The following CCL28 variants were observed in gnomAD, a reference collection of about 807,000 sequenced individuals.
CCL28 encodes the protein C-C motif chemokine ligand 28.
CCL28 carries 4 observed loss-of-function variants against 7.1 expected under a neutral mutation model. The ratio of observed to expected loss-of-function variants is 0.56; its 90% CI spans 0.28 to 1.29. The LOEUF (loss-of-function observed/expected upper bound fraction) is 1.29. Ranked by LOEUF, CCL28 falls within the 50% of genes most tolerant of loss-of-function variation. The probability of loss-of-function intolerance (pLI) is 0.11; values close to 1 mark genes in which losing one functional copy is unlikely to be tolerated. For synonymous variants in CCL28, 55 were observed against 57.8 expected (o/e 0.95, Z 0.22); for missense variants, 151 against 163.4 (o/e 0.92, Z 0.41).
In CCL28 at chr5:43,380,245, A is replaced by G. The variant is rs1395404007; in HGVS notation, c.*1615T>C. ...ACAGAAGGCCGAACTCTGGGCCCCT[A>G]ACTAGTGCTGCTCCAAGAACTGACT... On this transcript the variant is annotated 3_prime_UTR_variant, in exon 3 of 3. Coordinates refer to ENST00000361115, the MANE Select transcript of CCL28 (RefSeq NM_148672.3). The G allele has an allele frequency of 6.6e-6, 1 of 152,152 alleles. No individual in the cohort carries two copies. The highest frequency in any genetic ancestry group is 1.5e-5 in the Non-Finnish European group (1 of 68,018). 9.4% of individuals were successfully genotyped at this position (152,152 alleles called of 1,614,324 possible). A position where few individuals can be genotyped will look rare whatever the true frequency, so the allele number is the denominator to read the frequency against.
Position 43,382,022 on chromosome 5 carries a change from G to A in CCL28, c.222C>T (p.Val74=). Residue 74 remains valine, a synonymous_variant, in exon 3 of 3, where the codon GTC becomes GTT. Transcript: ENST00000361115. ...GCTTAACAGTATGGTTGTGCGGGCT[G>A]ACACAGATTCTTCTGCGCTTGACAT... ...ILHVKRRRIC[V]SPHNHTVKQW... is the part of the protein sequence containing the mutation. 2 of 1,613,382 alleles carry A rather than the reference G, an allele frequency of 1.2e-6. No homozygotes were observed. Among genetic ancestry groups the A allele is most frequent in the Non-Finnish European group, 8.5e-7 (1 of 1,179,702 alleles).
At chr5:43,362,498 G>C in the CCL28 span, among the ~76,000 whole-genome samples, 1 of 151,970 alleles carries the variant, frequency 6.6e-6, no homozygotes, top group African/African-American at 2.4e-5. Flanking sequence ...TAGTTTTCAG[G>C]TATATATAGT....
chr5:43,406,816 C>G (rs1415985012), intron 1 of CCL28, among the ~76,000 whole-genome samples: 1 of 152,174 alleles, frequency 6.6e-6, no homozygotes, highest in African/African-American at 2.4e-5. Flanking sequence ...AATCAATGTG[C>G]AAAAATCACA....
the CCL28 span, among the ~76,000 whole-genome samples, chr5:43,364,550 C>T: frequency 1.3e-5 from 2 of 151,940 alleles, no homozygotes; most frequent in East Asian, 3.9e-4. Context: ...TTCTGGCAGC[C>T]TTATGGTATA....
chr5:43,369,720 G>A, the CCL28 span, among the ~76,000 whole-genome samples: 2 of 152,146 alleles, frequency 1.3e-5, no homozygotes, highest in African/African-American at 2.4e-5. Flanking sequence ...CCACCACTGT[G>A]CCTGGCCTTG....
At chr5:43,365,392 A>G in the CCL28 span, among the ~76,000 whole-genome samples, 1 of 152,124 alleles carries the variant, frequency 6.6e-6, no homozygotes, top group Non-Finnish European at 1.5e-5. Flanking sequence ...GTTATGTGTG[A>G]ATTTGATCCT....
chr5:43,366,613 G>A, the CCL28 span, among the ~76,000 whole-genome samples: 1 of 152,212 alleles, frequency 6.6e-6, no homozygotes, highest in African/African-American at 2.4e-5. Flanking sequence ...TCAGTCATGA[G>A]GCATGGGGGT....
At chr5:43,359,876 T>A in the CCL28 span, among the ~76,000 whole-genome samples, 5 of 152,006 alleles carry the variant, frequency 3.3e-5, no homozygotes, top group East Asian at 9.6e-4. Flanking sequence ...GGCCCCCACC[T>A]AGAGGCAGAT....
chr5:43,361,825 C>A, the CCL28 span, among the ~76,000 whole-genome samples: 1 of 150,226 alleles, frequency 6.7e-6, no homozygotes, highest in Non-Finnish European at 1.5e-5. Flanking sequence ...TATTTCTGGG[C>A]TCTCTATTCT....
intron 1 of CCL28, among the ~76,000 whole-genome samples, chr5:43,409,921 C>T (rs887980888): frequency 6.6e-6 from 1 of 151,984 alleles, no homozygotes; most frequent in African/African-American, 2.4e-5. Context: ...GGAGTGTGCC[C>T]TACCTTTGGG....
chr5:43,367,247 C>G, the CCL28 span, among the ~76,000 whole-genome samples: 76,913 of 152,034 alleles, frequency 0.51, 20,011 homozygotes, highest in Middle Eastern at 0.62. Context: ...GAACAGTTCT[C>G]TCTCACTGGT....
At chr5:43,361,719 A>C in the CCL28 span, among the ~76,000 whole-genome samples, 1 of 152,148 alleles carries the variant, frequency 6.6e-6, no homozygotes, top group Non-Finnish European at 1.5e-5. Flanking sequence ...CTAGCCAGTT[A>C]TCCCAGCACT....
intron 1 of CCL28, among the ~76,000 whole-genome samples, chr5:43,401,041 C>T (rs1320960317): frequency 6.6e-6 from 1 of 151,264 alleles, no homozygotes; most frequent in Non-Finnish European, 1.5e-5. Flanking sequence ...AGAGACCACG[C>T]CACTGCACTC....
the CCL28 span, among the ~76,000 whole-genome samples, chr5:43,368,253 A>G: frequency 6.6e-6 from 1 of 152,166 alleles, no homozygotes. Context: ...TGCAGTTTGG[A>G]GGAGGTAGTT....
chr5:43,361,569 T>C, the CCL28 span, among the ~76,000 whole-genome samples: 3 of 152,152 alleles, frequency 2.0e-5, no homozygotes, highest in African/African-American at 7.2e-5. Context: ...TTGCCAGGTT[T>C]TATGTCCAGA....
At chr5:43,375,458 TAAAAAAAAA>T (rs56289620), downstream of CCL28, among the ~76,000 whole-genome samples, 2 of 32,736 alleles carry the variant, frequency 6.1e-5, no homozygotes, top group African/African-American at 1.2e-4. Context: ...GACAGAAAGC[TAAAAAAAAA>T]AAAAAAAAAA....
downstream of CCL28, chr5:43,379,069 A>T (rs1187322461): frequency 4.6e-5 from 7 of 152,222 alleles, no homozygotes; most frequent in Admixed American, 3.3e-4. Context: ...TTTAAAATAT[A>T]TCATGTAAAC....
intron 1 of CCL28, among the ~76,000 whole-genome samples, chr5:43,411,724 G>C (rs184601311): frequency 6.6e-6 from 1 of 152,288 alleles, no homozygotes; most frequent in Admixed American, 6.5e-5. Flanking sequence ...GCACCACTGT[G>C]CTCAGCTCTG....
chr5:43,357,753 A>C, the CCL28 span, among the ~76,000 whole-genome samples: 3 of 152,172 alleles, frequency 2.0e-5, no homozygotes, highest in African/African-American at 7.2e-5. Flanking sequence ...ATCCAATCTA[A>C]ATCAATGAAA....
Sources: allele counts gnomAD v4.1 joint callset (sites outside exome capture counted in the v4.1 genomes callset), GRCh38; gene constraint gnomAD v4.1.1; transcripts MANE v1.5; gene names NCBI Gene and HGNC (gene_info 2026-07-23, HGNC 2026-07-21).